Variants in CAND2 observed in about 807,000 individuals in gnomAD.
CAND2 encodes cullin-associated NEDD8-dissociated protein 2.
In CAND2, 62 loss-of-function variants were observed where a neutral mutation model predicts 98.9. The ratio of observed to expected loss-of-function variants is 0.63; its 90% CI spans 0.51 to 0.77. CAND2 has a LOEUF of 0.77. CAND2 is among the 30% of genes least tolerant of loss of function. CAND2 has a pLI of 0.00. For missense variants in CAND2, 1,501 were observed against 1,655.2 expected, an observed-to-expected ratio of 0.91 and a Z score of 1.62; for synonymous variants, 770 against 731.9, an observed-to-expected ratio of 1.05 and a Z score of -0.84.
At position 12,833,976 on chromosome 3, in the gene CAND2, C is replaced by G. The variant is rs1284047942; in HGVS notation, c.3705C>G (p.Leu1235=). 2 of 1,613,670 alleles carry G rather than the reference C, an allele frequency of 1.2e-6. No homozygotes were observed. Among genetic ancestry groups the G allele is most frequent in the Admixed American group, 3.3e-5 (2 of 60,012 alleles). The change falls in exon 15 of 15, where the codon CTC becomes CTG. Residue 1235 remains leucine (L), a synonymous_variant. Transcript: ENST00000456430. ...ASAPSTDSME[L]S ...CCCCCAGCACAGACTCAATGGAGCT[C>G]AGCTAGTCCCCTCAGCACCAAGGTG...
intron 1 of CAND2, among the ~76,000 whole-genome samples, chr3:12,800,279 C>T (rs2061756291): frequency 6.6e-6 from 1 of 152,240 alleles, no homozygotes; most frequent in South Asian, 2.1e-4. Context: ...CCAGTCCACC[C>T]CTGGTAACAG....
chr3:12,814,013 G>A (rs2061876273), intron 7 of CAND2, among the ~76,000 whole-genome samples: 1 of 152,242 alleles, frequency 6.6e-6, no homozygotes, highest in Admixed American at 6.5e-5. Flanking sequence ...GGAACAAGAT[G>A]GGATGGTAAA....
At chr3:12,819,763 T>G (rs1428401036) in intron 10 of CAND2, among the ~76,000 whole-genome samples, 1 of 152,230 alleles carries the variant, frequency 6.6e-6, no homozygotes, top group African/African-American at 2.4e-5. Flanking sequence ...TTAGGACTCA[T>G]TGAGATAACA....
In CAND2 at chr3:12,817,703, C is replaced by T; in HGVS notation, c.2771C>T (p.Ala924Val). 1.3e-6 allele frequency: 2 copies of T among 1,596,592 alleles called. No individual in the cohort carries two copies. Among genetic ancestry groups the T allele is most frequent in the Non-Finnish European group, 1.7e-6 (2 of 1,171,176 alleles). Residue 924 changes from alanine to valine, a missense_variant, in exon 10 of 15, where the codon GCC becomes GTC. Around this residue, in one of 3 missense-constraint regions of CAND2, gnomAD observed 1,427 missense variants for 1,545.3 expected, o/e 0.92. Coordinates refer to ENST00000456430, the MANE Select transcript of CAND2 (RefSeq NM_001162499.2). ...CACTCACTCAGGGAGGCCCTGGGGG[C>T]CGCCCAGCCTGACAGCCTGAAGCCC... is the stretch of plus-strand genomic sequence containing the variant. ...LLHSLREALG[A>V]AQPDSLKPYA...
At chr3:12,812,206 GC>G (rs2061856766) in intron 5 of CAND2, among the ~76,000 whole-genome samples, 1 of 112,814 alleles carries the variant, frequency 8.9e-6, no homozygotes, top group Non-Finnish European at 1.9e-5. Context: ...ACCATGCCCG[GC>G]CTAAGCTGTT....
chr3:12,816,237 C>A, intron 9 of CAND2, 137 bp from the exon 10 acceptor site: 1 of 945,912 alleles, frequency 1.1e-6, no homozygotes, highest in Non-Finnish European at 1.6e-6. Context: ...TCAGGGCTGA[C>A]TTCTTGGAAA....
chr3:12,819,852 G>T (rs915541368), intron 10 of CAND2, among the ~76,000 whole-genome samples: 12 of 152,210 alleles, frequency 7.9e-5, no homozygotes, highest in Non-Finnish European at 1.5e-5. Context: ...CCTGTTTGCA[G>T]CCTGTGGTGT....
intron 2 of CAND2, among the ~76,000 whole-genome samples, chr3:12,804,576 C>T (rs751551126): frequency 5.9e-5 from 9 of 152,126 alleles, no homozygotes; most frequent in Non-Finnish European, 8.8e-5. Context: ...CCAGTTATCT[C>T]GAGTAGAAAA....
At position 12,833,960 on chromosome 3, in the gene CAND2, C is replaced by A. The variant is rs771264433; in HGVS notation, c.3689C>A (p.Thr1230Lys). The A allele has an allele frequency of 1.9e-6, 3 of 1,614,124 alleles. No individual in the cohort carries two copies. The highest frequency in any genetic ancestry group is 2.2e-5 in the East Asian group (1 of 44,886). ...IQKDSASAPS[T>K]DSMELS ...AAGGATTCCGCTTCAGCCCCCAGCA[C>A]AGACTCAATGGAGCTCAGCTAGTCC... Residue 1230 changes from threonine to lysine, a missense_variant, in exon 15 of 15, where the codon ACA (threonine) becomes AAA (lysine). Thr to Lys is a moderately conservative substitution (Grantham distance 78). Coordinates refer to ENST00000456430, the MANE Select transcript of CAND2 (RefSeq NM_001162499.2).
chr3:12,811,124 T>G (rs1278521359), intron 5 of CAND2, among the ~76,000 whole-genome samples: 6 of 144,384 alleles, frequency 4.2e-5, no homozygotes, highest in African/African-American at 1.1e-4. Flanking sequence ...CGGCGGGGGG[T>G]GGGGGGGGGA....
Position 12,815,402 on chromosome 3 carries a change from C to T in CAND2, c.1268C>T (p.Thr423Ile). ...WLEAMEEPTQ[T>I]GSNLHMLRGQ... ...GAGGCCATGGAGGAACCCACCCAGA[C>T]CGGCAGCAACCTCCATATGCTACGT... Residue 423 changes from threonine to isoleucine, a missense_variant, in exon 8 of 15, where the codon ACC (threonine) becomes ATC (isoleucine). Around this residue, in one of 3 missense-constraint regions of CAND2, gnomAD observed 1,427 missense variants for 1,545.3 expected, o/e 0.92. Coordinates refer to ENST00000456430, the MANE Select transcript of CAND2 (RefSeq NM_001162499.2). This position sits in a 1 kb window ranked among gnomAD's most constrained non-coding sequence, Gnocchi z 5.7. 6.2e-7 allele frequency: 1 copy of T among 1,613,270 alleles called. No homozygotes were observed. Among genetic ancestry groups the T allele is most frequent in the Non-Finnish European group, 8.5e-7 (1 of 1,179,772 alleles).
chr3:12,810,016 C>A (rs1055549720), intron 4 of CAND2, 43 bp from the exon 5 acceptor site: 2 of 1,385,068 alleles, frequency 1.4e-6, no homozygotes, highest in Non-Finnish European at 1.9e-6. Context: ...GCCCAGGTTG[C>A]CCGCGGAGTG....
At position 12,810,271 on chromosome 3, in the gene CAND2, G is replaced by T. The variant is rs973525918; in HGVS notation, c.704G>T (p.Arg235Leu). 1.3e-6 allele frequency: 2 copies of T among 1,507,938 alleles called. No homozygotes were observed. The highest frequency in any genetic ancestry group is 2.1e-5 in the Admixed American group (1 of 47,006). The allele number at this position is 1,507,938 out of a possible 1,614,324, so 93.4% of individuals were successfully genotyped here. The change falls in exon 5 of 15, where the codon CGC becomes CTC. Residue 235 changes from arginine to leucine, a missense_variant. This residue lies in a region of CAND2 where 1,427 missense variants were observed against 1,545.3 expected (regional missense o/e 0.92). Coordinates refer to ENST00000456430, the MANE Select transcript of CAND2 (RefSeq NM_001162499.2). The part of the protein sequence containing the change: ...PRVPTSPTAI[R>L]TLIQCLGSVG... ...GTGCCCACCAGCCCGACTGCCATCC[G>T]CACCCTGATCCAATGTTTGGGCAGC...
At chr3:12,823,503 C>T (rs1050843224) in intron 11 of CAND2, among the ~76,000 whole-genome samples, 2 of 151,888 alleles carry the variant, frequency 1.3e-5, no homozygotes, top group Non-Finnish European at 2.9e-5. Context: ...CCGAGGCGGG[C>T]GGATCACAAG....
intron 10 of CAND2, among the ~76,000 whole-genome samples, chr3:12,818,113 A>G (rs1255750928): frequency 6.6e-6 from 1 of 152,204 alleles, no homozygotes; most frequent in African/African-American, 2.4e-5. Context: ...GGTCCCTACA[A>G]CAAATACATT....
In CAND2 at chr3:12,813,383, A is replaced by G. The variant is rs1209357753; in HGVS notation, c.1001A>G (p.Glu334Gly). The G allele has an allele frequency of 6.2e-7, 1 of 1,613,242 alleles. No homozygotes were observed. Among genetic ancestry groups the G allele is most frequent in the Non-Finnish European group, 8.5e-7 (1 of 1,179,586 alleles). ...GAGACAGAGGATAGTGAATTCAGTG[A>G]GCAAGGTTGGTGGACAGCCCATCAT... is the stretch of plus-strand genomic sequence containing the variant. The part of the protein sequence containing the change: ...QMETEDSEFS[E>G]QESEDEYSDD... Residue 334 changes from glutamate (E) to glycine (G), a missense_variant, in exon 7 of 15, where the codon GAG (glutamate) becomes GGG (glycine). This residue lies in a region of CAND2 where 1,427 missense variants were observed against 1,545.3 expected (regional missense o/e 0.92). Coordinates refer to ENST00000456430, the MANE Select transcript of CAND2 (RefSeq NM_001162499.2).
chr3:12,810,422 G>C (rs950880187), intron 5 of CAND2, 98 bp downstream of exon 5: 2 of 1,172,562 alleles, frequency 1.7e-6, no homozygotes, highest in South Asian at 3.7e-5. Context: ...CCGCAGTGCA[G>C]CCAGGGCCTA....
At chr3:12,819,989 C>G in intron 10 of CAND2, 97 bp from the exon 11 acceptor site, 1 of 937,042 alleles carries the variant, frequency 1.1e-6, no homozygotes, top group Non-Finnish European at 1.7e-6. Context: ...GTTCTGTTTT[C>G]CAGGGAAGCA....
At chr3:12,802,102 C>T (rs906906886) in intron 1 of CAND2, among the ~76,000 whole-genome samples, 1 of 152,118 alleles carries the variant, frequency 6.6e-6, no homozygotes, top group Admixed American at 6.6e-5. Flanking sequence ...CCGAGGTGGG[C>T]GGATCACGAG....
Sources: allele counts gnomAD v4.1 joint callset (sites outside exome capture counted in the v4.1 genomes callset), GRCh38; gene constraint gnomAD v4.1.1; regional missense constraint gnomAD v4.1.1; non-coding constraint Gnocchi (gnomAD v3.1); transcripts MANE v1.5; gene names NCBI Gene and HGNC (gene_info 2026-07-23, HGNC 2026-07-21).